ANKRD13C: variants seen among roughly 807,000 people sequenced by gnomAD.
The protein encoded by ANKRD13C is ankyrin repeat domain 13C, also known as ankyrin repeat domain-containing protein 13C.
A neutral mutation model predicts 65.5 loss-of-function variants in ANKRD13C; 16 were observed. The observed-to-expected ratio is 0.24, with a 90% CI of 0.17 to 0.37. The LOEUF is 0.37. Ranked by LOEUF, ANKRD13C falls within the 10% of genes least tolerant of loss-of-function variation. The pLI is 1.00. For synonymous variants in ANKRD13C, 235 were observed against 238.7 expected, an observed-to-expected ratio of 0.98 and a Z score of 0.14; for missense variants, 503 against 655.9, an observed-to-expected ratio of 0.77 and a Z score of 2.55.
rs779449709 is a variant in ANKRD13C, at chr1:70,354,183, G to A, written c.226C>T (p.Pro76Ser). Residue 76 changes from proline (P) to serine (S), a missense_variant, in exon 1 of 13, where the codon CCG (proline) becomes TCG (serine). Coordinates refer to ENST00000370944, the MANE Select transcript of ANKRD13C (RefSeq NM_030816.5). ...APASSNPPGAPALPLHNSSVT... is the reference protein window; with the variant it reads ...APASSNPPGASALPLHNSSVT... Reference sequence around the variant, plus strand: ...GAGGAATTGTGCAGCGGCAGAGCCGGGGCGCCGGGGGGATTGGAGGAGGCC... The same window carrying A: ...GAGGAATTGTGCAGCGGCAGAGCCGAGGCGCCGGGGGGATTGGAGGAGGCC... The A allele has an allele frequency of 1.2e-6, 2 of 1,613,832 alleles. No individual in the cohort carries two copies.
intron 5 of ANKRD13C, among the ~76,000 whole-genome samples, chr1:70,310,816 A>G (rs1680816545): frequency 6.6e-6 from 1 of 152,142 alleles, no homozygotes; most frequent in South Asian, 2.1e-4. Context: ...CCCACATGGG[A>G]AAAAAATGGG....
intron 8 of ANKRD13C, among the ~76,000 whole-genome samples, chr1:70,294,558 A>C (rs373670101): frequency 1.3e-5 from 2 of 152,114 alleles, no homozygotes; most frequent in African/African-American, 4.8e-5. Flanking sequence ...CCAGGAAAAA[A>C]AAAAGCAATT....
rs1558301961 is a variant in ANKRD13C at position 70,324,959 on chromosome 1, T to C, written c.473-2A>G. 6.2e-7 allele frequency: 1 copy of C among 1,605,992 alleles called. No homozygotes were observed. Among genetic ancestry groups the C allele is most frequent in the Non-Finnish European group, 8.5e-7 (1 of 1,174,588 alleles). ...GAGCCAAAAGTAAATGGGCACATTC[T>C]GCAATATAAAGTAGTAATAATATCA... On this transcript the variant is annotated splice_acceptor_variant, in intron 2 of 12. Coordinates refer to ENST00000370944, the MANE Select transcript of ANKRD13C (RefSeq NM_030816.5). LOFTEE classifies it high-confidence loss of function.
chr1:70,270,793 A>G, intron 12 of ANKRD13C, 63 bp downstream of exon 12: 12 of 1,154,968 alleles, frequency 1.0e-5, no homozygotes, highest in Non-Finnish European at 1.5e-5. Flanking sequence ...TGCTTATTAA[A>G]TGTTAATAAA....
In ANKRD13C at chr1:70,330,552, C is replaced by T. The variant is rs529111430; in HGVS notation, c.472+5506G>A. Among the ~76,000 whole-genome samples, 7 of 130,010 alleles carry T rather than the reference C, an allele frequency of 5.4e-5. No individual in the cohort carries two copies. In the South Asian group the frequency reaches 9.9e-4, roughly 18 times the overall value. 85.3% of individuals were successfully genotyped at this position (130,010 alleles called of 152,430 possible). On this transcript the variant is annotated intron_variant, in intron 2 of 12. Transcript: ENST00000370944. ...CAGGCTGGGTGACAGAGTGAGCCTCCGTCTCAAAAAAACAAACAAACCAAA... is the reference window on the plus strand; with the variant it reads ...CAGGCTGGGTGACAGAGTGAGCCTCTGTCTCAAAAAAACAAACAAACCAAA...
chr1:70,335,834 A>G (rs565331686), intron 2 of ANKRD13C, among the ~76,000 whole-genome samples: 3 of 151,782 alleles, frequency 2.0e-5, no homozygotes, highest in African/African-American at 7.2e-5. Context: ...AAAAAAACAT[A>G]GTTTCAAAAG....
At chr1:70,262,943 T>TAAAAAAAAAAAAAAAAAAAAAAAAA (rs34241203) in intron 12 of ANKRD13C, 96 bp from the exon 13 acceptor site, 1 of 438,444 alleles carries the variant, frequency 2.3e-6, no homozygotes, top group African/African-American at 2.5e-5. Flanking sequence ...CCTTAAAATG[T>TAAAAAAAAAAAAAAAAAAAAAAAAA]AAAAAAAAAA....
rs1678462270 is a variant in ANKRD13C at position 70,263,193 on chromosome 1, T to G, written c.1496-346A>C. ...ACTTTTGTGCTTTTTGCATTCTGAC[T>G]TTTTTCTCTTCAGATTATAGTATAT... On this transcript the variant is annotated intron_variant, in intron 12 of 12. Coordinates refer to ENST00000370944, the MANE Select transcript of ANKRD13C (RefSeq NM_030816.5). Among the ~76,000 whole-genome samples, 3 of 152,194 alleles carry G rather than the reference T, an allele frequency of 2.0e-5. 1 individual carries two copies. The South Asian group carries it at 6.2e-4, about 31-fold the overall frequency.
At chr1:70,266,321 A>C (rs1018817937) in intron 12 of ANKRD13C, among the ~76,000 whole-genome samples, 1 of 152,228 alleles carries the variant, frequency 6.6e-6, no homozygotes, top group Non-Finnish European at 1.5e-5. Context: ...TTAGCAGTTC[A>C]ATCTTTTTAT....
At chr1:70,282,051 C>A (rs1191436301) in intron 9 of ANKRD13C, among the ~76,000 whole-genome samples, 1 of 148,328 alleles carries the variant, frequency 6.7e-6, no homozygotes, top group Non-Finnish European at 1.5e-5. Flanking sequence ...TGGTACATAT[C>A]ATCTTTTTTT....
intron 5 of ANKRD13C, among the ~76,000 whole-genome samples, chr1:70,309,045 T>TC (rs1463980840): frequency 1.3e-5 from 2 of 150,810 alleles, no homozygotes; most frequent in East Asian, 2.0e-4. Context: ...TTTCTTTCTT[T>TC]CCTTTTTTTT....
In ANKRD13C at chr1:70,273,588, A is replaced by C. The variant is rs192325742; in HGVS notation, c.1394+1132T>G. Among the ~76,000 whole-genome samples, 151 of 152,358 alleles carry C rather than the reference A, an allele frequency of 9.9e-4. 2 individuals are homozygous for C. Among genetic ancestry groups the C allele is most frequent in the Admixed American group, 9.7e-3 (149 of 15,302 alleles). ...GTAGATGAATGATAAACAACAGTAT[A>C]TCAACACTACAAAATAACAAGGAAA... On this transcript the variant is annotated intron_variant, in intron 11 of 12. Coordinates refer to ENST00000370944, the MANE Select transcript of ANKRD13C (RefSeq NM_030816.5).
chr1:70,305,544 C>T (rs2101390743), intron 6 of ANKRD13C: 1 of 151,910 alleles, frequency 6.6e-6, no homozygotes, highest in South Asian at 2.1e-4. Flanking sequence ...AATATATGCA[C>T]ATATATACAT....
At chr1:70,348,036 G>T (rs879564494) in intron 1 of ANKRD13C, among the ~76,000 whole-genome samples, 2 of 151,972 alleles carry the variant, frequency 1.3e-5, no homozygotes, top group Non-Finnish European at 2.9e-5. Flanking sequence ...ACCCTCTCCT[G>T]GTTAAAATTG....
chr1:70,294,407 G>A (rs566105255), intron 8 of ANKRD13C, among the ~76,000 whole-genome samples: 5 of 152,278 alleles, frequency 3.3e-5, no homozygotes, highest in Admixed American at 6.5e-5. Flanking sequence ...TTGGTCAAAC[G>A]CCAGTCTAGA....
At chr1:70,278,268 G>A (rs1679228950) in intron 9 of ANKRD13C, among the ~76,000 whole-genome samples, 2 of 151,752 alleles carry the variant, frequency 1.3e-5, no homozygotes, top group South Asian at 4.2e-4. Flanking sequence ...CAAGGCAGGT[G>A]GATCACTTGA....
At position 70,350,459 on chromosome 1, in the gene ANKRD13C, G is replaced by A. The variant is rs573902126; in HGVS notation, c.430+3520C>T. ...GAATATTTAACCTGAAGGTAATCTT[G>A]CCAAATATCTAAAGGGCTATCATGT... On this transcript the variant is annotated intron_variant, in intron 1 of 12. Transcript: ENST00000370944. 2.0e-5 allele frequency among the ~76,000 whole-genome samples: 3 copies of A among 152,220 alleles called. No individual in the cohort carries two copies. In the East Asian group the frequency reaches 5.8e-4, roughly 29 times the overall value.
intron 1 of ANKRD13C, among the ~76,000 whole-genome samples, chr1:70,349,244 A>C (rs976909576): frequency 1.3e-5 from 2 of 152,182 alleles, no homozygotes; most frequent in Admixed American, 1.3e-4. Context: ...CTATGGAAAA[A>C]GGCTTAGATT....
chr1:70,354,555 C>T lies in ANKRD13C; in HGVS notation c.-147G>A. 3 of 1,432,810 alleles carry T rather than the reference C, an allele frequency of 2.1e-6. No homozygotes were observed. The highest frequency in any genetic ancestry group is 1.5e-5 in the South Asian group (1 of 67,146). The allele number at this position is 1,432,810 out of a possible 1,614,324, so 88.8% of individuals were successfully genotyped here. On this transcript the variant is annotated 5_prime_UTR_variant, in exon 1 of 13. Transcript: ENST00000370944. ...ACTGAGCCCCCGAGCCTGGGACAAA[C>T]GCATCTCCCGGGGAAGAGCCGGCTC... is the stretch of plus-strand genomic sequence containing the variant.
Sources: gnomAD v4.1 joint callset for allele counts (sites outside exome capture counted in the v4.1 genomes callset) on GRCh38, gnomAD v4.1.1 for gene constraint, MANE v1.5 for transcripts, NCBI Gene and HGNC (gene_info 2026-07-23, HGNC 2026-07-21) for gene names.